Variants in SLC24A4 observed in about 807,000 individuals in gnomAD.
The protein encoded by SLC24A4 is sodium/potassium/calcium exchanger 4.
Under a neutral mutation model 79.0 loss-of-function variants are expected in SLC24A4, and 53 were observed. That is an observed-to-expected ratio of 0.67 (90% CI 0.54 to 0.84). The LOEUF (loss-of-function observed/expected upper bound fraction) is 0.84, where lower values mean the gene tolerates loss of function less well. SLC24A4 is among the 40% of genes least tolerant of loss of function. The pLI is 0.00. For missense variants in SLC24A4, 731 were observed against 822.0 expected (o/e 0.89, Z 1.35); for synonymous variants, 323 against 323.8 (o/e 1.00, Z 0.03).
At position 92,383,229 on chromosome 14, in the gene SLC24A4, C is replaced by T. The variant is rs138542854; in HGVS notation, c.242-50683C>T. ...GATGTTTATTCAAGTCTAGCCACAG[C>T]TGGAAGTAAGATATGGGGCACCCCC... On this transcript the variant is annotated intron_variant, in intron 2 of 16. Coordinates refer to ENST00000532405, the MANE Select transcript of SLC24A4 (RefSeq NM_153646.4). Among the ~76,000 whole-genome samples the T allele has an allele frequency of 9.9e-3, 1,501 of 152,322 alleles. 30 individuals are homozygous for T. The highest frequency in any genetic ancestry group is 0.035 in the African/African-American group (1,440 of 41,564).
intron 2 of SLC24A4, among the ~76,000 whole-genome samples, chr14:92,430,666 A>G (rs1026187670): frequency 6.6e-6 from 1 of 152,186 alleles, no homozygotes; most frequent in African/African-American, 2.4e-5. Flanking sequence ...CTGGGCACCA[A>G]GGTCCAAAGG....
chr14:92,361,631 G>A (rs75373536), intron 2 of SLC24A4, among the ~76,000 whole-genome samples: 4,564 of 152,240 alleles, frequency 0.03, 224 homozygotes, highest in African/African-American at 0.1. Context: ...TGCCCTCGTG[G>A]TGTTACAGGA....
At chr14:92,443,997 T>G (rs1158771747) in intron 7 of SLC24A4, among the ~76,000 whole-genome samples, 1 of 151,622 alleles carries the variant, frequency 6.6e-6, no homozygotes, top group African/African-American at 2.4e-5. Flanking sequence ...CTCTTGGGAG[T>G]GATACCTGCC....
At chr14:92,385,764 C>G (rs1889121987) in intron 2 of SLC24A4, among the ~76,000 whole-genome samples, 1 of 152,268 alleles carries the variant, frequency 6.6e-6, no homozygotes, top group South Asian at 2.1e-4. Flanking sequence ...GAGCCCTTGT[C>G]CCATGAGGCT....
intron 16 of SLC24A4, 64 bp downstream of exon 16, chr14:92,492,304 G>C (rs143896501): frequency 1.1e-4 from 165 of 1,482,248 alleles, no homozygotes; most frequent in Non-Finnish European, 1.9e-5. Flanking sequence ...ATTCCGCCTC[G>C]TCACTTACGT....
intron 10 of SLC24A4, 103 bp downstream of exon 10, chr14:92,449,319 CA>C (rs746879538): frequency 0.029 from 37,274 of 1,294,164 alleles, 658 homozygotes; most frequent in Non-Finnish European, 0.032. Context: ...CACACACACA[CA>C]CACCCTCTCA....
At chr14:92,335,056 A>C (rs916824404) in intron 2 of SLC24A4, among the ~76,000 whole-genome samples, 2 of 152,208 alleles carry the variant, frequency 1.3e-5, no homozygotes, top group African/African-American at 2.4e-5. Flanking sequence ...AAAGAAACCC[A>C]AACTAGTCCA....
intron 2 of SLC24A4, among the ~76,000 whole-genome samples, chr14:92,395,407 G>T (rs111812191): frequency 3.6e-4 from 53 of 148,338 alleles, no homozygotes; most frequent in African/African-American, 1.2e-3. Context: ...ACAGGCCAGG[G>T]ATGATTCAAA....
In SLC24A4 at chr14:92,359,286, A is replaced by G. The variant is rs535928073; in HGVS notation, c.241+33308A>G. ...ATGACTTGTTAAGACCTTTTTAAAAATGATCAAGTCCGGGCACAGTGGCTC... is the reference window on the plus strand; with the variant it reads ...ATGACTTGTTAAGACCTTTTTAAAAGTGATCAAGTCCGGGCACAGTGGCTC... On this transcript the variant is annotated intron_variant, in intron 2 of 16. Transcript: ENST00000532405. 4.0e-5 allele frequency among the ~76,000 whole-genome samples: 6 copies of G among 151,822 alleles called. No individual in the cohort carries two copies. The East Asian group carries it at 1.2e-3, about 29-fold the overall frequency.
At chr14:92,473,910 T>A (rs1413470880) in intron 12 of SLC24A4, among the ~76,000 whole-genome samples, 1 of 152,128 alleles carries the variant, frequency 6.6e-6, no homozygotes, top group Non-Finnish European at 1.5e-5. Context: ...AATGATCCCA[T>A]CTCATCAGGG....
chr14:92,456,699 G>A, intron 12 of SLC24A4, 91 bp downstream of exon 12: 1 of 1,339,964 alleles, frequency 7.5e-7, no homozygotes, highest in Non-Finnish European at 1.0e-6. Context: ...GCATGGACTT[G>A]TAAGGGCGGC....
rs184524777 is a variant in SLC24A4 at position 92,498,366 on chromosome 14, A to G, written c.*4738A>G. 6.6e-6 allele frequency: 1 copy of G among 152,250 alleles called. No individual in the cohort carries two copies. The highest frequency in any genetic ancestry group is 6.5e-5 in the Admixed American group (1 of 15,288). The allele number at this position is 152,250 out of a possible 1,614,324, so 9.4% of individuals were successfully genotyped here. On this transcript the variant is annotated 3_prime_UTR_variant, in exon 17 of 17. Transcript: ENST00000532405. The stretch of plus-strand genomic sequence containing the variant: ...TTTCTCTAGGCCTGTGCCACAGGAC[A>G]GAGAACACGGGATTCTGCTGTTCGC...
At chr14:92,420,245 G>C (rs1016210436) in intron 2 of SLC24A4, among the ~76,000 whole-genome samples, 1 of 152,166 alleles carries the variant, frequency 6.6e-6, no homozygotes, top group Non-Finnish European at 1.5e-5. Flanking sequence ...GCTTTGGGAG[G>C]CCAAGGCAGG....
At chr14:92,481,057 A>G (rs527948477) in intron 12 of SLC24A4, among the ~76,000 whole-genome samples, 3 of 152,330 alleles carry the variant, frequency 2.0e-5, no homozygotes, top group East Asian at 3.9e-4. Context: ...GGGACTCTGT[A>G]TGTGTTTTGG....
chr14:92,387,774 T>G (rs768249020), intron 2 of SLC24A4, among the ~76,000 whole-genome samples: 9 of 152,378 alleles, frequency 5.9e-5, no homozygotes, highest in Non-Finnish European at 1.3e-4. Context: ...AGAACTTGGC[T>G]GCTCCAGGTA....
At chr14:92,489,510 T>A (rs1295313078) in intron 14 of SLC24A4, among the ~76,000 whole-genome samples, 1 of 152,114 alleles carries the variant, frequency 6.6e-6, no homozygotes, top group Non-Finnish European at 1.5e-5. Flanking sequence ...CAGGAGGCTG[T>A]GCAGCACGTG....
chr14:92,460,447 C>T (rs898246645), intron 12 of SLC24A4, among the ~76,000 whole-genome samples: 7 of 152,302 alleles, frequency 4.6e-5, no homozygotes, highest in African/African-American at 1.7e-4. Context: ...CCTTTTGGGA[C>T]TACAGTGTTC....
Position 92,447,170 on chromosome 14 carries a change from C to T in SLC24A4, c.684-201C>T, listed in dbSNP as rs1322001098. On this transcript the variant is annotated intron_variant, in intron 8 of 16. Transcript: ENST00000532405. ...TGAGAAGAGACCCCTCAGCTTTTCT[C>T]GCTTGAACATCAAGAGGGCTGCTGG... Among the ~76,000 whole-genome samples the T allele has an allele frequency of 2.6e-5, 4 of 152,212 alleles. No individual in the cohort carries two copies. The East Asian group carries it at 7.7e-4, about 29-fold the overall frequency.
chr14:92,475,710 A>G (rs1022707985), intron 12 of SLC24A4, among the ~76,000 whole-genome samples: 1 of 152,206 alleles, frequency 6.6e-6, no homozygotes, highest in African/African-American at 2.4e-5. Flanking sequence ...CACGAGCACC[A>G]TGGAAGGTTT....
Sources: gnomAD v4.1 joint callset for allele counts (sites outside exome capture counted in the v4.1 genomes callset) on GRCh38, gnomAD v4.1.1 for gene constraint, MANE v1.5 for transcripts, NCBI Gene and HGNC (gene_info 2026-07-23, HGNC 2026-07-21) for gene names.